The following FCHSD2 variants were observed in gnomAD, a reference collection of about 807,000 sequenced individuals.
FCHSD2 encodes FCH and double SH3 domains 2.
Under a neutral mutation model 108.1 loss-of-function variants are expected in FCHSD2, and 38 were observed. The ratio of observed to expected loss-of-function variants is 0.35; its 90% CI spans 0.27 to 0.46. FCHSD2 has a LOEUF of 0.46. Among genes scored for constraint, FCHSD2 ranks in the 20% least tolerant of loss-of-function variants. The probability of loss-of-function intolerance (pLI) is 1.00; values close to 1 mark genes in which losing one functional copy is unlikely to be tolerated. For missense variants in FCHSD2, 751 were observed against 897.8 expected, an observed-to-expected ratio of 0.84 and a Z score of 2.09; for synonymous variants, 279 against 314.7, an observed-to-expected ratio of 0.89 and a Z score of 1.20.
intron 9 of FCHSD2, among the ~76,000 whole-genome samples, chr11:72,905,506 G>T (rs1855609879): frequency 6.6e-6 from 1 of 152,126 alleles, no homozygotes. Context: ...TGTTACACAG[G>T]TATACATGTG....
At chr11:73,141,589 C>G (rs951184444) in intron 1 of FCHSD2, among the ~76,000 whole-genome samples, 1 of 152,340 alleles carries the variant, frequency 6.6e-6, no homozygotes, top group East Asian at 1.9e-4. Context: ...GCCATGCGCG[C>G]GCACACACAC....
intron 1 of FCHSD2, 79 bp downstream of exon 1, chr11:73,141,778 A>T: frequency 7.1e-7 from 1 of 1,415,938 alleles, no homozygotes; most frequent in Non-Finnish European, 9.5e-7. Flanking sequence ...CGGGAGGGGG[A>T]AGGGGCGCAG....
intron 3 of FCHSD2, among the ~76,000 whole-genome samples, chr11:73,076,714 A>G (rs1565398869): frequency 6.6e-6 from 1 of 152,250 alleles, no homozygotes; most frequent in Non-Finnish European, 1.5e-5. Context: ...ACATAAAAGT[A>G]TTTTTTAAAG....
intron 9 of FCHSD2, among the ~76,000 whole-genome samples, chr11:72,909,109 T>A (rs1855694210): frequency 6.6e-6 from 1 of 152,116 alleles, no homozygotes; most frequent in Non-Finnish European, 1.5e-5. Flanking sequence ...TGATCTCAGC[T>A]CGCTGCAACC....
At chr11:72,940,137 A>T (rs1856385934) in intron 8 of FCHSD2, among the ~76,000 whole-genome samples, 1 of 152,158 alleles carries the variant, frequency 6.6e-6, no homozygotes, top group Non-Finnish European at 1.5e-5. Context: ...GGACAAATAA[A>T]ATTTAGCCCC....
chr11:73,009,480 G>A (rs1465755717), intron 4 of FCHSD2, among the ~76,000 whole-genome samples: 1 of 152,152 alleles, frequency 6.6e-6, no homozygotes, highest in Non-Finnish European at 1.5e-5. Flanking sequence ...CTGGGTGATG[G>A]AGTGAGAAGT....
At position 72,994,854 on chromosome 11, in the gene FCHSD2, T is replaced by G. The variant is rs1857491901; in HGVS notation, c.388-5757A>C. 5.3e-5 allele frequency among the ~76,000 whole-genome samples: 8 copies of G among 152,180 alleles called. No homozygotes were observed. In the South Asian group the frequency reaches 1.7e-3, roughly 32 times the overall value. On this transcript the variant is annotated intron_variant, in intron 5 of 19. Transcript: ENST00000409418. ...AGCTTTTAAAAAATTGACATATAAT[T>G]CACATACAACAAAATTCACCTTTTT...
chr11:73,063,631 G>C (rs1286891418), intron 3 of FCHSD2, among the ~76,000 whole-genome samples: 2 of 152,098 alleles, frequency 1.3e-5, no homozygotes, highest in Admixed American at 1.3e-4. Context: ...AAAAGCAGGA[G>C]TTGCAATCCT....
intron 8 of FCHSD2, among the ~76,000 whole-genome samples, chr11:72,951,779 G>GTTTA (rs1020344522): frequency 2.6e-5 from 4 of 152,200 alleles, no homozygotes; most frequent in South Asian, 4.2e-4. Flanking sequence ...TTGATTTGAG[G>GTTTA]TTTACCCTTT....
At chr11:73,049,848 G>T (rs1858857101) in intron 3 of FCHSD2, among the ~76,000 whole-genome samples, 1 of 150,538 alleles carries the variant, frequency 6.6e-6, no homozygotes, top group Non-Finnish European at 1.5e-5. Flanking sequence ...CAATATTATG[G>T]TTATTAAAAG....
chr11:73,004,131 A>C (rs2135421128), intron 4 of FCHSD2, among the ~76,000 whole-genome samples: 1 of 151,606 alleles, frequency 6.6e-6, no homozygotes, highest in East Asian at 1.9e-4. Flanking sequence ...AAAAAAAAAA[A>C]AAAAAGGATA....
At chr11:72,958,055 C>T (rs1447041010) in intron 8 of FCHSD2, among the ~76,000 whole-genome samples, 2 of 152,172 alleles carry the variant, frequency 1.3e-5, no homozygotes, top group Non-Finnish European at 2.9e-5. Flanking sequence ...ACTCTTACCT[C>T]ACCATTTAAC....
rs369023201 is a variant in FCHSD2 at position 73,043,273 on chromosome 11, CT to C, written c.166-27389del. 6.8e-3 allele frequency among the ~76,000 whole-genome samples: 1,036 copies of C among 152,272 alleles called. 5 individuals are homozygous for C. Among genetic ancestry groups the C allele is most frequent in the South Asian group, 0.014 (68 of 4,830 alleles). On this transcript the variant is annotated intron_variant, in intron 3 of 19. Coordinates refer to ENST00000409418, the MANE Select transcript of FCHSD2 (RefSeq NM_014824.3). ...AGATTTTATCATGAAGGAATTTTTA[CT>C]TCTCTTCATCACAGATTAAATCACT...
intron 3 of FCHSD2, among the ~76,000 whole-genome samples, chr11:73,034,909 G>A (rs778279290): frequency 1.3e-5 from 2 of 152,140 alleles, no homozygotes; most frequent in Non-Finnish European, 2.9e-5. Context: ...TGGGTGCAAA[G>A]TAGTACCTTT....
At chr11:72,880,847 G>A (rs1855068873) in intron 12 of FCHSD2, among the ~76,000 whole-genome samples, 1 of 148,494 alleles carries the variant, frequency 6.7e-6, no homozygotes, top group East Asian at 2.0e-4. Flanking sequence ...CAGCCTGGGT[G>A]ACAGAGTGAT....
In FCHSD2 at chr11:72,986,647, T is replaced by C. The variant is rs1331266004; in HGVS notation, c.522-1531A>G. ...ATTCCCAGTTCTCCTTTTTTTACAG[T>C]CATTACCCAAATAGGCTGAGTTGCA... On this transcript the variant is annotated intron_variant, in intron 6 of 19. Transcript: ENST00000409418. Among the ~76,000 whole-genome samples the C allele has an allele frequency of 2.6e-5, 4 of 152,204 alleles. No homozygotes were observed. In the East Asian group the frequency reaches 7.7e-4, roughly 29 times the overall value.
At chr11:72,859,297 C>T (rs1861510472) in intron 13 of FCHSD2, among the ~76,000 whole-genome samples, 1 of 152,134 alleles carries the variant, frequency 6.6e-6, no homozygotes, top group South Asian at 2.1e-4. Flanking sequence ...ATGTGAATCA[C>T]CCCTTTGTCG....
chr11:73,021,796 T>C (rs531097502), intron 3 of FCHSD2, among the ~76,000 whole-genome samples: 2 of 152,188 alleles, frequency 1.3e-5, no homozygotes, highest in East Asian at 1.9e-4. Context: ...AACGGATATA[T>C]ACAAAAAACT....
chr11:73,134,795 A>G (rs1361370393), intron 2 of FCHSD2, among the ~76,000 whole-genome samples: 1 of 152,188 alleles, frequency 6.6e-6, no homozygotes, highest in Admixed American at 6.5e-5. Flanking sequence ...AAATAAGAAA[A>G]CAAATTATTC....
Sources: gnomAD v4.1 joint callset for allele counts (sites outside exome capture counted in the v4.1 genomes callset) on GRCh38, gnomAD v4.1.1 for gene constraint, MANE v1.5 for transcripts, NCBI Gene and HGNC (gene_info 2026-07-23, HGNC 2026-07-21) for gene names.